CDK11B: variants seen among roughly 807,000 people sequenced by gnomAD.
CDK11B encodes cyclin dependent kinase 11B.
A neutral mutation model predicts 84.0 loss-of-function variants in CDK11B; 37 were observed. The observed-to-expected ratio is 0.44, with a 90% CI of 0.34 to 0.58. The LOEUF (loss-of-function observed/expected upper bound fraction) is 0.58. Ranked by LOEUF, CDK11B falls within the 20% of genes least tolerant of loss-of-function variation. CDK11B has a pLI of 0.02. For synonymous variants in CDK11B, 269 were observed against 309.8 expected (o/e 0.87, Z 1.38); for missense variants, 427 against 834.0 (o/e 0.51, Z 6.01).
intron 4 of CDK11B, among the ~76,000 whole-genome samples, chr1:1,650,065 T>C (rs1354988190): frequency 8.7e-5 from 13 of 150,064 alleles, no homozygotes; most frequent in Admixed American, 8.0e-4. Flanking sequence ...CAAGGTCAGA[T>C]CGGGACCATC....
chr1:1,637,226 G>A lies in CDK11B; in HGVS notation c.1571-24C>T, dbSNP rs1264434209. The stretch of plus-strand genomic sequence containing the variant: ...CCCTGGGAGGGAGGGAAGCTCCCAT[G>A]TGGACCTGGCTGCCCCCAGCCCAGG... On this transcript the variant is annotated intron_variant, in intron 14 of 19. Coordinates refer to ENST00000341832, the MANE Select transcript of CDK11B (RefSeq NM_033486.3). 1.2e-5 allele frequency: 20 copies of A among 1,611,628 alleles called. No homozygotes were observed. In the East Asian group the frequency reaches 2.7e-4, roughly 22 times the overall value.
intron 4 of CDK11B, among the ~76,000 whole-genome samples, chr1:1,649,861 G>C (rs1450255764): frequency 6.6e-6 from 1 of 150,654 alleles, no homozygotes; most frequent in Non-Finnish European, 1.5e-5. Context: ...TGTAATCCCA[G>C]CTACTAAGCG....
chr1:1,649,148 G>A lies in CDK11B; in HGVS notation c.494+351C>T, dbSNP rs545844188. Among the ~76,000 whole-genome samples the A allele has an allele frequency of 8.1e-3, 1,234 of 152,180 alleles. 20 individuals are homozygous for A. The highest frequency in any genetic ancestry group is 0.028 in the African/African-American group (1,170 of 41,508). On this transcript the variant is annotated intron_variant, in intron 5 of 19. Transcript: ENST00000341832. ...GGAGTCTCGCTCTGTCGCCCAGGCT[G>A]GAGTGCAGTGGCGGGATCTCAGCTC...
At position 1,637,742 on chromosome 1, in the gene CDK11B, C is replaced by G; in HGVS notation, c.1464+20G>C. ...GAAAAGCCTTCCACCCGGGGCCAGGCGTGGTGGGGCCATGCTCACTCTAAC... is the reference window on the plus strand; with the variant it reads ...GAAAAGCCTTCCACCCGGGGCCAGGGGTGGTGGGGCCATGCTCACTCTAAC... On this transcript the variant is annotated intron_variant, in intron 13 of 19. Coordinates refer to ENST00000341832, the MANE Select transcript of CDK11B (RefSeq NM_033486.3). 2 of 1,613,658 alleles carry G rather than the reference C, an allele frequency of 1.2e-6. No individual in the cohort carries two copies. Among genetic ancestry groups the G allele is most frequent in the South Asian group, 1.1e-5 (1 of 91,074 alleles).
intron 2 of CDK11B, among the ~76,000 whole-genome samples, chr1:1,655,877 G>A (rs866486845): frequency 2.0e-5 from 3 of 151,534 alleles, no homozygotes; most frequent in East Asian, 2.0e-4. Flanking sequence ...GTTAGACTCC[G>A]TATCAGGGAA....
Position 1,655,350 on chromosome 1 carries a change from C to T in CDK11B, c.227+19G>A, listed in dbSNP as rs781004042. On this transcript the variant is annotated intron_variant, in intron 3 of 19. Coordinates refer to ENST00000341832, the MANE Select transcript of CDK11B (RefSeq NM_033486.3). ...GGGCTGTGTACAGCTGGGTCTTGCA[C>T]ATCTGTACATCCGCTCACCTGTCTT... The T allele has an allele frequency of 1.2e-6, 2 of 1,612,056 alleles. No individual in the cohort carries two copies. The highest frequency in any genetic ancestry group is 1.7e-6 in the Non-Finnish European group (2 of 1,178,848).
intron 11 of CDK11B, among the ~76,000 whole-genome samples, chr1:1,639,883 C>A (rs575391647): frequency 2.6e-5 from 4 of 152,044 alleles, no homozygotes; most frequent in African/African-American, 7.2e-5. Flanking sequence ...GCCGCTCCCC[C>A]ATCCAAGCCC....
intron 3 of CDK11B, among the ~76,000 whole-genome samples, chr1:1,654,682 G>A (rs1346678857): frequency 4.6e-5 from 7 of 150,552 alleles, no homozygotes; most frequent in Middle Eastern, 3.2e-3. Flanking sequence ...TTTTAGAGGC[G>A]GGGTCTTGCT....
intron 4 of CDK11B, among the ~76,000 whole-genome samples, chr1:1,650,281 AAAAG>A (rs1557707508): frequency 1.4e-5 from 2 of 147,414 alleles, no homozygotes; most frequent in African/African-American, 4.9e-5. Flanking sequence ...AAAAAAAAAA[AAAAG>A]AAATTAAATC....
intron 5 of CDK11B, 28 bp downstream of exon 5, chr1:1,649,471 A>G: frequency 6.0e-6 from 9 of 1,496,106 alleles, no homozygotes; most frequent in Non-Finnish European, 8.4e-6. Context: ...CCCTTTTATA[A>G]AGTCCTCAAC....
At position 1,649,640 on chromosome 1, in the gene CDK11B, A is replaced by G; in HGVS notation, c.356-3T>C. 6.2e-7 allele frequency: 1 copy of G among 1,609,690 alleles called. No homozygotes were observed. The highest frequency in any genetic ancestry group is 1.7e-5 in the Admixed American group (1 of 59,942). On this transcript the variant is annotated splice_polypyrimidine_tract_variant and splice_region_variant and intron_variant, in intron 4 of 19. Coordinates refer to ENST00000341832, the MANE Select transcript of CDK11B (RefSeq NM_033486.3). ...TTCTTTCACTCTAGCATGCTTCCCT[A>G]ATGAGAAATAAAGTGTCATGCAAAG... is the stretch of plus-strand genomic sequence containing the variant.
At chr1:1,645,670 G>GCAGCCA (rs1368341343) in intron 5 of CDK11B, 1 of 334,866 alleles carries the variant, frequency 3.0e-6, no homozygotes, top group Non-Finnish European at 5.8e-6. Context: ...GAGCCACCGT[G>GCAGCCA]CCCAGCTGCC....
At chr1:1,639,840 G>C (rs572830219) in intron 11 of CDK11B, among the ~76,000 whole-genome samples, 4 of 152,052 alleles carry the variant, frequency 2.6e-5, no homozygotes, top group Non-Finnish European at 4.4e-5. Flanking sequence ...TAAGCAAAAG[G>C]CTTCTGGTCA....
intron 1 of CDK11B, 96 bp downstream of exon 1, chr1:1,658,818 C>G (rs1643152918): frequency 6.5e-6 from 1 of 154,246 alleles, no homozygotes; most frequent in Non-Finnish European, 1.5e-5. Flanking sequence ...GCCCCCGGGC[C>G]CGGGTCCGCC....
chr1:1,657,490 G>A lies in CDK11B; in HGVS notation c.-5C>T, dbSNP rs753890328. The A allele has an allele frequency of 6.6e-7, 1 of 1,519,502 alleles. No individual in the cohort carries two copies. The highest frequency in any genetic ancestry group is 1.3e-5 in the South Asian group (1 of 79,406). 94.1% of individuals were successfully genotyped at this position (1,519,502 alleles called of 1,614,324 possible). ...AGAGTCCTTTTCATCACCCATTTGA[G>A]TTAAAACACTGCAAAAAGAAAAATA... On this transcript the variant is annotated 5_prime_UTR_variant, in exon 2 of 20. Transcript: ENST00000341832.
chr1:1,640,994 T>C, intron 10 of CDK11B, 54 bp downstream of exon 10: 2 of 1,592,438 alleles, frequency 1.3e-6, no homozygotes, highest in Non-Finnish European at 1.7e-6. Context: ...AGGAGAGGGC[T>C]GCTGCACTCG....
chr1:1,655,314 C>T lies in CDK11B; in HGVS notation c.227+55G>A, dbSNP rs557419595. 127 of 1,573,536 alleles carry T rather than the reference C, an allele frequency of 8.1e-5. 1 individual carries two copies. The highest frequency in any genetic ancestry group is 2.7e-4 in the Admixed American group (15 of 55,502). On this transcript the variant is annotated intron_variant, in intron 3 of 19. Coordinates refer to ENST00000341832, the MANE Select transcript of CDK11B (RefSeq NM_033486.3). ...TTGTCACAGCGACCCTAGGAAGGAC[C>T]GGCCAGGCCAGGGCTGTGTACAGCT...
chr1:1,652,978 C>T (rs1189088095), intron 3 of CDK11B, among the ~76,000 whole-genome samples: 1 of 151,998 alleles, frequency 6.6e-6, no homozygotes. Flanking sequence ...CCACCTCGGT[C>T]TCCCAAAGTG....
At chr1:1,654,340 A>G (rs1440518426) in intron 3 of CDK11B, among the ~76,000 whole-genome samples, 1 of 152,104 alleles carries the variant, frequency 6.6e-6, no homozygotes, top group African/African-American at 2.4e-5. Context: ...CCTTGTCTCT[A>G]TTCTAGGCTC....
Sources: allele counts gnomAD v4.1 joint callset (sites outside exome capture counted in the v4.1 genomes callset), GRCh38; gene constraint gnomAD v4.1.1; transcripts MANE v1.5; gene names NCBI Gene and HGNC (gene_info 2026-07-23, HGNC 2026-07-21).